Variants in RALGAPA1 observed in about 807,000 individuals in gnomAD.
The protein encoded by RALGAPA1 is ral GTPase-activating protein subunit alpha-1.
RALGAPA1 carries 52 observed loss-of-function variants against 269.6 expected under a neutral mutation model. The ratio of observed to expected loss-of-function variants is 0.19; its 90% confidence interval spans 0.15 to 0.24. RALGAPA1 has a LOEUF of 0.24. Among genes scored for constraint, RALGAPA1 ranks in the 10% least tolerant of loss-of-function variants. The probability of loss-of-function intolerance (pLI) is 1.00; values close to 1 mark genes in which losing one functional copy is unlikely to be tolerated. For missense variants in RALGAPA1, 1,917 were observed against 3,013.9 expected, an observed-to-expected ratio of 0.64 and a Z score of 8.52; for synonymous variants, 817 against 1,008.3, an observed-to-expected ratio of 0.81 and a Z score of 3.60.
chr14:35,561,107 A>C (rs1010463446), intron 39 of RALGAPA1, among the ~76,000 whole-genome samples: 54 of 151,548 alleles, frequency 3.6e-4, no homozygotes, highest in African/African-American at 1.3e-3. Flanking sequence ...GGCACCTGTA[A>C]TCCCAGCTAC....
At chr14:35,599,687 G>A (rs1163038818) in intron 36 of RALGAPA1, among the ~76,000 whole-genome samples, 1 of 152,068 alleles carries the variant, frequency 6.6e-6, no homozygotes, top group Admixed American at 6.6e-5. Flanking sequence ...AGGTGGTGGA[G>A]GTTGCAATGA....
intron 16 of RALGAPA1, among the ~76,000 whole-genome samples, chr14:35,711,796 T>C (rs79065142): frequency 0.026 from 3,882 of 151,482 alleles, 165 homozygotes; most frequent in African/African-American, 0.089. Flanking sequence ...TTTAAAACAA[T>C]GCTGTACCAC....
chr14:35,690,341 T>C (rs1296889536), intron 17 of RALGAPA1, among the ~76,000 whole-genome samples: 1 of 152,174 alleles, frequency 6.6e-6, no homozygotes, highest in Non-Finnish European at 1.5e-5. Flanking sequence ...AAATTTTTCC[T>C]ACTTATTTAC....
chr14:35,762,596 CT>C (rs774389448), intron 5 of RALGAPA1, 113 bp downstream of exon 5: 18 of 753,904 alleles, frequency 2.4e-5, no homozygotes, highest in Non-Finnish European at 4.1e-5. Flanking sequence ...ATTAAATAAA[CT>C]GAAGACAATT....
rs56861116 is a variant in RALGAPA1, at chr14:35,748,833, CAAAA to C, written c.1012-13_1012-10del. ...AAACTAGCAGCTGCTCTCTAAAATACAAAAAAAAAAAAAAAAGAGAGAAACAATA... is the reference window on the plus strand; with the variant it reads ...AAACTAGCAGCTGCTCTCTAAAATACAAAAAAAAAAAAGAGAGAAACAATA... On this transcript the variant is annotated splice_polypyrimidine_tract_variant and intron_variant, in intron 9 of 41. Coordinates refer to ENST00000680220, the MANE Select transcript of RALGAPA1 (RefSeq NM_001346249.2). The C allele has an allele frequency of 2.5e-4, 323 of 1,298,712 alleles. No homozygotes were observed. The highest frequency in any genetic ancestry group is 8.8e-4 in the South Asian group (49 of 55,760). 80.4% of individuals were successfully genotyped at this position (1,298,712 alleles called of 1,614,324 possible).
intron 7 of RALGAPA1, among the ~76,000 whole-genome samples, chr14:35,755,381 G>C (rs1472439287): frequency 6.6e-6 from 1 of 151,760 alleles, no homozygotes; most frequent in Non-Finnish European, 1.5e-5. Context: ...AGCAAACAAA[G>C]ATCCAAGAAA....
At chr14:35,670,822 C>T (rs1043048881) in intron 26 of RALGAPA1, among the ~76,000 whole-genome samples, 1 of 151,748 alleles carries the variant, frequency 6.6e-6, no homozygotes, top group Non-Finnish European at 1.5e-5. Context: ...ATTGAAGAGG[C>T]TGAGGCAGGA....
intron 27 of RALGAPA1, among the ~76,000 whole-genome samples, chr14:35,663,063 C>G (rs2063655002): frequency 1.3e-5 from 2 of 151,980 alleles, no homozygotes; most frequent in Non-Finnish European, 2.9e-5. Flanking sequence ...TGCAACCATG[C>G]CCAGCTAATT....
chr14:35,659,292 C>A, intron 27 of RALGAPA1, 96 bp from the exon 28 acceptor site: 1 of 794,008 alleles, frequency 1.3e-6, no homozygotes, highest in South Asian at 1.9e-5. Flanking sequence ...AGTCTTTGTT[C>A]TCATGTATGT....
At chr14:35,647,709 T>G (rs956277145) in intron 31 of RALGAPA1, among the ~76,000 whole-genome samples, 1 of 152,104 alleles carries the variant, frequency 6.6e-6, no homozygotes, top group African/African-American at 2.4e-5. Flanking sequence ...TCCCAGCACT[T>G]TGGGAGGTCC....
At chr14:35,784,539 A>G (rs563516262) in intron 1 of RALGAPA1, among the ~76,000 whole-genome samples, 1 of 152,188 alleles carries the variant, frequency 6.6e-6, no homozygotes, top group South Asian at 2.1e-4. Context: ...TATTCCTTTT[A>G]GCTCATCTAA....
At chr14:35,668,543 GCACCT>G (rs1202220849) in intron 26 of RALGAPA1, among the ~76,000 whole-genome samples, 1 of 151,758 alleles carries the variant, frequency 6.6e-6, no homozygotes, top group Non-Finnish European at 1.5e-5. Context: ...TGTAATCCCA[GCACCT>G]TACAAGGCCA....
chr14:35,634,908 T>C, intron 32 of RALGAPA1, 151 bp from the exon 33 acceptor site: 1 of 737,530 alleles, frequency 1.4e-6, no homozygotes, highest in East Asian at 3.1e-5. Context: ...GGCTCATGCC[T>C]GTAATCCCAG....
chr14:35,766,372 G>T, intron 4 of RALGAPA1: 1 of 1,393,450 alleles, frequency 7.2e-7, no homozygotes, highest in South Asian at 1.2e-5. Flanking sequence ...CTATGTATAG[G>T]TATTCCAGAG....
chr14:35,657,690 T>A (rs1464595145), intron 28 of RALGAPA1, among the ~76,000 whole-genome samples: 1 of 141,636 alleles, frequency 7.1e-6, no homozygotes, highest in Non-Finnish European at 1.5e-5. Flanking sequence ...TATATATATA[T>A]TTTTTTTTTT....
At chr14:35,763,918 T>C (rs2073932906) in intron 4 of RALGAPA1, among the ~76,000 whole-genome samples, 1 of 152,168 alleles carries the variant, frequency 6.6e-6, no homozygotes, top group Non-Finnish European at 1.5e-5. Context: ...TAGTACCATA[T>C]TGTTGGCAGC....
chr14:35,671,746 C>G (rs1008593189), intron 25 of RALGAPA1, among the ~76,000 whole-genome samples: 1 of 152,046 alleles, frequency 6.6e-6, no homozygotes, highest in Non-Finnish European at 1.5e-5. Flanking sequence ...GCATAAATAA[C>G]AGCATTTTTT....
chr14:35,608,515 G>A (rs1157049301), intron 35 of RALGAPA1, among the ~76,000 whole-genome samples: 1 of 152,136 alleles, frequency 6.6e-6, no homozygotes, highest in African/African-American at 2.4e-5. Context: ...TCAAAGGAAT[G>A]GAAACAAGTA....
intron 35 of RALGAPA1, among the ~76,000 whole-genome samples, chr14:35,625,150 CAAA>C (rs35013388): frequency 6.7e-5 from 4 of 59,918 alleles, no homozygotes; most frequent in African/African-American, 1.1e-4. Flanking sequence ...GACTCTGTCT[CAAA>C]AAAAAAAAAA....
Sources: gnomAD v4.1 joint callset for allele counts (sites outside exome capture counted in the v4.1 genomes callset) on GRCh38, gnomAD v4.1.1 for gene constraint, MANE v1.5 for transcripts, NCBI Gene and HGNC (gene_info 2026-07-23, HGNC 2026-07-21) for gene names.